The following JMY variants were observed in gnomAD, a reference collection of about 807,000 sequenced individuals.
JMY encodes the protein junction mediating and regulatory protein, p53 cofactor.
Under a neutral mutation model 103.3 loss-of-function variants are expected in JMY, and 46 were observed. The observed-to-expected ratio is 0.45, with a 90% CI of 0.35 to 0.57. The LOEUF is 0.57. Ranked by LOEUF, JMY falls within the 20% of genes least tolerant of loss-of-function variation. The pLI, the probability that JMY is intolerant of heterozygous loss-of-function variation, is 0.00. For synonymous variants in JMY, 526 were observed against 489.3 expected, an observed-to-expected ratio of 1.07 and a Z score of -0.99; for missense variants, 1,238 against 1,255.2, an observed-to-expected ratio of 0.99 and a Z score of 0.21.
chr5:79,293,185 T>A (rs545857632), intron 4 of JMY, among the ~76,000 whole-genome samples: 5 of 152,318 alleles, frequency 3.3e-5, no homozygotes, highest in Non-Finnish European at 5.9e-5. Context: ...AAAATGTTTT[T>A]AATTTAAATT....
intron 1 of JMY, among the ~76,000 whole-genome samples, chr5:79,251,015 A>C (rs1418017543): frequency 6.6e-6 from 1 of 152,082 alleles, no homozygotes; most frequent in Admixed American, 6.6e-5. Flanking sequence ...TGATTTTCAA[A>C]GGATCCAGAT....
chr5:79,313,168 C>A (rs538882570), intron 8 of JMY, among the ~76,000 whole-genome samples: 1 of 152,304 alleles, frequency 6.6e-6, no homozygotes, highest in African/African-American at 2.4e-5. Context: ...TGGCTCACGC[C>A]TGTAATCCCA....
intron 1 of JMY, among the ~76,000 whole-genome samples, chr5:79,249,824 C>T (rs1745020706): frequency 6.6e-6 from 1 of 152,114 alleles, no homozygotes; most frequent in African/African-American, 2.4e-5. Flanking sequence ...AATTGACTGG[C>T]CTTGAGTAGA....
intron 4 of JMY, among the ~76,000 whole-genome samples, chr5:79,297,118 A>T (rs1460481551): frequency 6.6e-6 from 1 of 152,212 alleles, no homozygotes; most frequent in Non-Finnish European, 1.5e-5. Flanking sequence ...TGTAGGAATC[A>T]GGAGAACTGA....
At position 79,291,130 on chromosome 5, in the gene JMY, C is replaced by T; in HGVS notation, c.1358C>T (p.Ala453Val). ...YFEITAKAQK[A>V]VYDRMRADQK... is the part of the protein sequence containing the mutation. ...TTTCTCTTTAAAAAATTATTAATAG[C>T]TGTGTATGATCGAATGCGAGCTGAT... The change falls in exon 4 of 11, where the codon GCT (alanine) becomes GTT (valine). Residue 453 changes from alanine to valine, a missense_variant and splice_region_variant. Coordinates refer to ENST00000396137, the MANE Select transcript of JMY (RefSeq NM_152405.5). 1 of 1,570,316 alleles carries T rather than the reference C, an allele frequency of 6.4e-7. No homozygotes were observed. Among genetic ancestry groups the T allele is most frequent in the Non-Finnish European group, 8.6e-7 (1 of 1,163,066 alleles).
Position 79,270,573 on chromosome 5 carries a change from G to GTATTTACATAAAATA in JMY, c.1033-7334_1033-7333insTTACATAAAATATAT, listed in dbSNP as rs1745741039. Among the ~76,000 whole-genome samples the GTATTTACATAAAATA allele has an allele frequency of 6.9e-5, 2 of 28,984 alleles. 1 individual carries two copies. 19.0% of individuals were successfully genotyped at this position (28,984 alleles called of 152,430 possible). ...GTATATTTACATAAATATTTAAAAT[G>GTATTTACATAAAATA]TATATTTACATAAATATTTAAAATG... is the stretch of plus-strand genomic sequence containing the variant. On this transcript the variant is annotated intron_variant, in intron 1 of 10. Transcript: ENST00000396137.
intron 1 of JMY, among the ~76,000 whole-genome samples, chr5:79,238,470 G>C (rs951219343): frequency 3.9e-5 from 6 of 152,082 alleles, no homozygotes; most frequent in African/African-American, 1.4e-4. Flanking sequence ...TAGGAAATGT[G>C]TAATTCATGC....
intron 2 of JMY, among the ~76,000 whole-genome samples, chr5:79,282,702 G>T (rs1746154439): frequency 6.6e-6 from 1 of 152,184 alleles, no homozygotes; most frequent in South Asian, 2.1e-4. Context: ...CTTAGTGCTT[G>T]TGCTTTAACC....
intron 1 of JMY, among the ~76,000 whole-genome samples, chr5:79,258,866 G>A (rs1184157101): frequency 3.9e-5 from 6 of 152,174 alleles, no homozygotes; most frequent in African/African-American, 1.2e-4. Flanking sequence ...GGCAAGGGGT[G>A]TTTCAGCCCT....
At chr5:79,277,364 C>G (rs1424208739) in intron 1 of JMY, among the ~76,000 whole-genome samples, 4 of 151,664 alleles carry the variant, frequency 2.6e-5, no homozygotes, top group African/African-American at 7.3e-5. Flanking sequence ...CAGTGGCTCA[C>G]GCCTGTAATC....
Position 79,326,391 on chromosome 5 carries a change from G to C in JMY, c.*4789G>C, listed in dbSNP as rs184297534. On this transcript the variant is annotated 3_prime_UTR_variant, in exon 11 of 11. Transcript: ENST00000396137. The stretch of plus-strand genomic sequence containing the variant: ...GTTCTATGGGTAGCTATCAAAGGGT[G>C]TAACAAATTATTCCAGCTTTTCCCA... 42 of 151,746 alleles carry C rather than the reference G, an allele frequency of 2.8e-4. No homozygotes were observed. The highest frequency in any genetic ancestry group is 9.4e-4 in the African/African-American group (39 of 41,356). The allele number at this position is 151,746 out of a possible 1,614,324, so 9.4% of individuals were successfully genotyped here.
intron 2 of JMY, among the ~76,000 whole-genome samples, chr5:79,287,867 G>A (rs942220921): frequency 1.3e-5 from 2 of 152,186 alleles, no homozygotes; most frequent in African/African-American, 4.8e-5. Context: ...TAAATAAAGT[G>A]TAATCATGTC....
At chr5:79,312,147 A>C (rs1747066224) in intron 7 of JMY, among the ~76,000 whole-genome samples, 1 of 152,192 alleles carries the variant, frequency 6.6e-6, no homozygotes. Flanking sequence ...AAAGTCATCT[A>C]CATTTAAGTT....
At chr5:79,289,419 A>T (rs1413734109) in intron 2 of JMY, among the ~76,000 whole-genome samples, 3 of 151,800 alleles carry the variant, frequency 2.0e-5, no homozygotes, top group Admixed American at 6.6e-5. Context: ...CTTCATATAT[A>T]ACTTGCTGAT....
At chr5:79,292,811 G>C (rs972094099) in intron 4 of JMY, among the ~76,000 whole-genome samples, 1 of 152,070 alleles carries the variant, frequency 6.6e-6, no homozygotes, top group East Asian at 1.9e-4. Flanking sequence ...GAGTGGGGGG[G>C]GTCCTATTCC....
At chr5:79,302,300 T>C (rs937526341) in intron 6 of JMY, among the ~76,000 whole-genome samples, 1 of 152,186 alleles carries the variant, frequency 6.6e-6, no homozygotes, top group Non-Finnish European at 1.5e-5. Flanking sequence ...TCAGACTTAA[T>C]TGAAAGTCTG....
chr5:79,286,780 G>A (rs1045702746), intron 2 of JMY, among the ~76,000 whole-genome samples: 1 of 152,122 alleles, frequency 6.6e-6, no homozygotes, highest in African/African-American at 2.4e-5. Flanking sequence ...TTCCATAGTT[G>A]TATCTGTTGA....
intron 2 of JMY, among the ~76,000 whole-genome samples, chr5:79,280,235 A>G (rs1260374155): frequency 6.6e-6 from 1 of 152,196 alleles, no homozygotes; most frequent in Non-Finnish European, 1.5e-5. Context: ...CTGGATACCC[A>G]CCTACTTTAG....
intron 1 of JMY, among the ~76,000 whole-genome samples, chr5:79,274,782 A>T (rs1745890426): frequency 6.6e-6 from 1 of 152,136 alleles, no homozygotes; most frequent in Non-Finnish European, 1.5e-5. Context: ...TATATAATAG[A>T]CATTGTGAAT....
Sources: allele counts gnomAD v4.1 joint callset (sites outside exome capture counted in the v4.1 genomes callset), GRCh38; gene constraint gnomAD v4.1.1; transcripts MANE v1.5; gene names NCBI Gene and HGNC (gene_info 2026-07-23, HGNC 2026-07-21).